Variants in GNB4 observed in about 807,000 individuals in gnomAD.
GNB4 encodes G protein subunit beta 4.
In GNB4, 28 loss-of-function variants were observed where a neutral mutation model predicts 45.2. The observed-to-expected ratio is 0.62, with a 90% CI of 0.46 to 0.85. The LOEUF (loss-of-function observed/expected upper bound fraction) is 0.85. Ranked by LOEUF, GNB4 falls within the 40% of genes least tolerant of loss-of-function variation. The pLI is 0.00. For missense variants in GNB4, 321 were observed against 425.4 expected (o/e 0.75, Z 2.16); for synonymous variants, 132 against 143.7 (o/e 0.92, Z 0.58).
intron 1 of GNB4, among the ~76,000 whole-genome samples, chr3:179,427,505 T>C (rs1320690498): frequency 6.7e-6 from 1 of 150,310 alleles, no homozygotes; most frequent in Non-Finnish European, 1.5e-5. Context: ...TTTGGGAAGC[T>C]GAGGCAAAAG....
chr3:179,520,029 C>A, the GNB4 span, among the ~76,000 whole-genome samples: 1 of 152,154 alleles, frequency 6.6e-6, no homozygotes, highest in South Asian at 2.1e-4. Context: ...TTTTGCCTAT[C>A]CACCCCGTGG....
chr3:179,527,490 G>T, the GNB4 span, among the ~76,000 whole-genome samples: 2 of 152,068 alleles, frequency 1.3e-5, no homozygotes, highest in African/African-American at 4.8e-5. Flanking sequence ...GCCAAGAGCT[G>T]CACTAAATGT....
upstream of GNB4, chr3:179,451,543 C>T (rs1375954638): frequency 1.3e-5 from 2 of 150,250 alleles, no homozygotes; most frequent in Admixed American, 1.3e-4. Context: ...GCTGGAGGCG[C>T]GAGGCGCGAG....
chr3:179,446,871 T>C (rs930719836), intron 1 of GNB4, among the ~76,000 whole-genome samples: 3 of 152,200 alleles, frequency 2.0e-5, no homozygotes, highest in African/African-American at 7.2e-5. Flanking sequence ...TATTAATTCA[T>C]GCATTCATTC....
At chr3:179,439,992 C>T (rs912449534) in intron 1 of GNB4, among the ~76,000 whole-genome samples, 1 of 152,206 alleles carries the variant, frequency 6.6e-6, no homozygotes, top group African/African-American at 2.4e-5. Flanking sequence ...AGCAAAATAA[C>T]TTCCCATATG....
intron 1 of GNB4, among the ~76,000 whole-genome samples, chr3:179,432,317 G>C (rs1405536693): frequency 6.6e-6 from 1 of 152,030 alleles, no homozygotes; most frequent in Non-Finnish European, 1.5e-5. Flanking sequence ...CTGCTAAAAA[G>C]AGGAACTAAC....
At chr3:179,463,535 T>G in the GNB4 span, among the ~76,000 whole-genome samples, 1 of 152,216 alleles carries the variant, frequency 6.6e-6, no homozygotes, top group Non-Finnish European at 1.5e-5. Flanking sequence ...TGGAAGACTT[T>G]ATTTTATTCA....
chr3:179,405,392 T>C lies in GNB4; in HGVS notation c.714A>G (p.Gly238=), dbSNP rs1433615086. Residue 238 remains glycine, a synonymous_variant, in exon 9 of 10, where the codon GGA becomes GGG. Coordinates refer to ENST00000232564, the MANE Select transcript of GNB4 (RefSeq NM_021629.4). Reference sequence around the variant, plus strand: ...CATCAGAGCCAGTGGCGAAGGCATATCCATTTGGGAAAAACTAGACAGGAA... The same window carrying C: ...CATCAGAGCCAGTGGCGAAGGCATACCCATTTGGGAAAAACTAGACAGGAA... ...DINAVSFFPN[G]YAFATGSDDA... is the part of the protein sequence containing the mutation. 7 of 1,610,392 alleles carry C rather than the reference T, an allele frequency of 4.3e-6. No homozygotes were observed. Among genetic ancestry groups the C allele is most frequent in the East Asian group, 2.2e-5 (1 of 44,816 alleles).
intron 8 of GNB4, among the ~76,000 whole-genome samples, chr3:179,409,758 C>G (rs112957215): frequency 2.0e-5 from 3 of 149,040 alleles, no homozygotes; most frequent in African/African-American, 7.4e-5. Flanking sequence ...TGCAGTGAGC[C>G]GAGATCGCAC....
the GNB4 span, among the ~76,000 whole-genome samples, chr3:179,523,788 G>GA: frequency 6.6e-6 from 1 of 152,086 alleles, no homozygotes; most frequent in Admixed American, 6.6e-5. Context: ...AGGTGGGGGG[G>GA]ATATGAGAGG....
chr3:179,422,509 A>G (rs1391683342), intron 2 of GNB4, among the ~76,000 whole-genome samples: 10 of 151,990 alleles, frequency 6.6e-5, no homozygotes, highest in Admixed American at 6.6e-4. Context: ...AGAATATAAA[A>G]AATATTCCCA....
chr3:179,462,160 C>G, the GNB4 span, among the ~76,000 whole-genome samples: 1 of 145,200 alleles, frequency 6.9e-6, no homozygotes, highest in Admixed American at 6.8e-5. Context: ...TTGTGTATGT[C>G]TGTGTGTGTG....
At chr3:179,452,102 C>T (rs1577044109), upstream of GNB4, among the ~76,000 whole-genome samples, 1 of 152,264 alleles carries the variant, frequency 6.6e-6, no homozygotes, top group East Asian at 1.9e-4. Context: ...AAATAAATGG[C>T]CAATACTTGG....
chr3:179,506,300 T>G, the GNB4 span, among the ~76,000 whole-genome samples: 1 of 151,922 alleles, frequency 6.6e-6, no homozygotes, highest in Non-Finnish European at 1.5e-5. Context: ...ATTGTGCCAC[T>G]GCACTCCAGC....
At chr3:179,425,621 C>T (rs1454385648) in intron 2 of GNB4, among the ~76,000 whole-genome samples, 1 of 150,132 alleles carries the variant, frequency 6.7e-6, no homozygotes, top group Non-Finnish European at 1.5e-5. Context: ...CAGGTGTGCA[C>T]CACCACGCCT....
At chr3:179,489,649 A>T in the GNB4 span, among the ~76,000 whole-genome samples, 1 of 152,168 alleles carries the variant, frequency 6.6e-6, no homozygotes. Context: ...TCTAAAAAAA[A>T]TGTTTAATTA....
chr3:179,425,661 G>T (rs1213285630), intron 2 of GNB4, among the ~76,000 whole-genome samples: 1 of 152,050 alleles, frequency 6.6e-6, no homozygotes, highest in Non-Finnish European at 1.5e-5. Context: ...AGTAGAGACA[G>T]AGTTTCACCA....
At chr3:179,480,963 G>T in the GNB4 span, among the ~76,000 whole-genome samples, 1 of 149,586 alleles carries the variant, frequency 6.7e-6, no homozygotes, top group African/African-American at 2.5e-5. Context: ...CCATTCTGCT[G>T]CCTCAGCCTC....
the GNB4 span, among the ~76,000 whole-genome samples, chr3:179,461,379 C>T: frequency 6.6e-6 from 1 of 152,092 alleles, no homozygotes; most frequent in Non-Finnish European, 1.5e-5. Context: ...CACTTGTAGT[C>T]CCAGCTACTC....
Sources: gnomAD v4.1 joint callset for allele counts (sites outside exome capture counted in the v4.1 genomes callset) on GRCh38, gnomAD v4.1.1 for gene constraint, MANE v1.5 for transcripts, NCBI Gene and HGNC (gene_info 2026-07-23, HGNC 2026-07-21) for gene names.